Variants in ARHGAP15 observed in about 807,000 individuals in gnomAD.
ARHGAP15 encodes Rho GTPase activating protein 15, also known as rho GTPase-activating protein 15.
A neutral mutation model predicts 63.7 loss-of-function variants in ARHGAP15; 51 were observed. That is an observed-to-expected ratio of 0.80 (90% CI 0.64 to 1.01). The LOEUF (loss-of-function observed/expected upper bound fraction) is 1.01, where lower values mean the gene tolerates loss of function less well. Among genes scored for constraint, ARHGAP15 ranks in the 50% least tolerant of loss-of-function variants. ARHGAP15 has a pLI of 0.00. For missense variants in ARHGAP15, 560 were observed against 564.6 expected (o/e 0.99, Z 0.08); for synonymous variants, 191 against 193.8 (o/e 0.99, Z 0.12).
chr2:143,646,608 A>AT (rs1680892315), intron 12 of ARHGAP15, among the ~76,000 whole-genome samples: 1 of 152,044 alleles, frequency 6.6e-6, no homozygotes, highest in Non-Finnish European at 1.5e-5. Context: ...TACATGTAAC[A>AT]TTTTAAACTC....
At chr2:143,419,598 T>A (rs11695624) in intron 6 of ARHGAP15, among the ~76,000 whole-genome samples, 33,979 of 148,854 alleles carry the variant, frequency 0.23, 4,430 homozygotes, top group Admixed American at 0.33. Flanking sequence ...TTAAAAAAAA[T>A]AATAAGATAC....
At position 143,422,819 on chromosome 2, in the gene ARHGAP15, G is replaced by A. The variant is rs375105157; in HGVS notation, c.475-12782G>A. Among the ~76,000 whole-genome samples, 17 of 152,022 alleles carry A rather than the reference G, an allele frequency of 1.1e-4. 1 individual carries two copies. The highest frequency in any genetic ancestry group is 7.9e-4 in the Admixed American group (12 of 15,246). ...GCCTGGCAAAAGGACACTACCAGCC[G>A]AGAGAGTCTGGTATGTGAGATAAAC... On this transcript the variant is annotated intron_variant, in intron 6 of 13. Transcript: ENST00000295095.
intron 6 of ARHGAP15, among the ~76,000 whole-genome samples, chr2:143,263,429 A>G (rs1277262810): frequency 1.3e-5 from 2 of 152,168 alleles, no homozygotes; most frequent in East Asian, 3.9e-4. Flanking sequence ...TGAAGGGGTC[A>G]GTATCTGCCT....
intron 6 of ARHGAP15, among the ~76,000 whole-genome samples, chr2:143,415,210 A>C (rs560349049): frequency 6.6e-5 from 10 of 152,304 alleles, no homozygotes; most frequent in Admixed American, 3.9e-4. Context: ...TTCATTGTTT[A>C]GGAAAAAAAA....
At chr2:143,148,906 T>C (rs930889015) in intron 1 of ARHGAP15, among the ~76,000 whole-genome samples, 4 of 151,982 alleles carry the variant, frequency 2.6e-5, no homozygotes, top group African/African-American at 9.7e-5. Context: ...AAAATGCTAT[T>C]TTGGTAAATG....
chr2:143,638,809 G>A (rs1233483628), intron 12 of ARHGAP15, among the ~76,000 whole-genome samples: 1 of 151,624 alleles, frequency 6.6e-6, no homozygotes, highest in Non-Finnish European at 1.5e-5. Context: ...AGACTAGTGG[G>A]AATTTAAATA....
intron 11 of ARHGAP15, among the ~76,000 whole-genome samples, chr2:143,583,725 T>G (rs1424590304): frequency 6.6e-6 from 1 of 152,208 alleles, no homozygotes; most frequent in Non-Finnish European, 1.5e-5. Context: ...AGACCTCTTG[T>G]GAACTGACAA....
intron 6 of ARHGAP15, among the ~76,000 whole-genome samples, chr2:143,323,894 CAAAAAAAAA>C (rs55804357): frequency 4.2e-4 from 11 of 26,174 alleles, no homozygotes; most frequent in South Asian, 1.7e-3. Flanking sequence ...GACTCCGTCT[CAAAAAAAAA>C]AAAAAAAAAA....
intron 4 of ARHGAP15, among the ~76,000 whole-genome samples, chr2:143,225,905 C>T (rs1344701916): frequency 6.6e-6 from 1 of 152,074 alleles, no homozygotes; most frequent in Non-Finnish European, 1.5e-5. Flanking sequence ...TGAAAGAGGA[C>T]ATCTAAAAGG....
At chr2:143,239,506 T>C (rs1049282745) in intron 5 of ARHGAP15, among the ~76,000 whole-genome samples, 2 of 152,150 alleles carry the variant, frequency 1.3e-5, no homozygotes, top group African/African-American at 4.8e-5. Flanking sequence ...TTCTATGAGT[T>C]TGACGTTATA....
intron 5 of ARHGAP15, among the ~76,000 whole-genome samples, chr2:143,239,215 A>T (rs1693767971): frequency 6.6e-6 from 1 of 152,218 alleles, no homozygotes; most frequent in African/African-American, 2.4e-5. Context: ...ATTTTTAAAA[A>T]GTACAGTGTG....
At chr2:143,138,037 A>G (rs562930616) in intron 1 of ARHGAP15, among the ~76,000 whole-genome samples, 38 of 152,268 alleles carry the variant, frequency 2.5e-4, no homozygotes, top group Admixed American at 1.3e-4. Context: ...CACTGTGGTA[A>G]GTACTATAGT....
chr2:143,693,223 C>T (rs1230601625), intron 12 of ARHGAP15, among the ~76,000 whole-genome samples: 1 of 152,166 alleles, frequency 6.6e-6, no homozygotes, highest in Middle Eastern at 3.2e-3. Flanking sequence ...CTCTTTTAAA[C>T]ACACAAAGCA....
chr2:143,713,438 G>A (rs1025564738), intron 13 of ARHGAP15, among the ~76,000 whole-genome samples: 1 of 152,222 alleles, frequency 6.6e-6, no homozygotes, highest in South Asian at 2.1e-4. Context: ...TGAGTTTTGG[G>A]TAAGAACACA....
intron 2 of ARHGAP15, among the ~76,000 whole-genome samples, chr2:143,175,486 C>A (rs1690978242): frequency 6.6e-6 from 1 of 152,000 alleles, no homozygotes; most frequent in African/African-American, 2.4e-5. Flanking sequence ...GTCAGAGATC[C>A]CTGTGATAAT....
chr2:143,281,440 ATTG>A (rs1289146212), intron 6 of ARHGAP15, among the ~76,000 whole-genome samples: 1 of 152,148 alleles, frequency 6.6e-6, no homozygotes, highest in Non-Finnish European at 1.5e-5. Flanking sequence ...GATATGACTT[ATTG>A]TTAGGATGTT....
chr2:143,763,753 T>G (rs1686853871), intron 13 of ARHGAP15, among the ~76,000 whole-genome samples: 1 of 148,206 alleles, frequency 6.7e-6, no homozygotes, highest in Admixed American at 6.8e-5. Flanking sequence ...TATATGTATA[T>G]GTATGTATAT....
chr2:143,607,127 G>A (rs918415750), intron 11 of ARHGAP15, among the ~76,000 whole-genome samples: 1 of 152,126 alleles, frequency 6.6e-6, no homozygotes, highest in African/African-American at 2.4e-5. Flanking sequence ...CTTACACACT[G>A]TAAATAATTA....
intron 13 of ARHGAP15, among the ~76,000 whole-genome samples, chr2:143,763,239 A>T (rs1686827914): frequency 6.6e-6 from 1 of 152,178 alleles, no homozygotes; most frequent in Non-Finnish European, 1.5e-5. Context: ...TTCTAACTGT[A>T]TATTTGAAAT....
Sources: gnomAD v4.1 joint callset for allele counts (sites outside exome capture counted in the v4.1 genomes callset) on GRCh38, gnomAD v4.1.1 for gene constraint, MANE v1.5 for transcripts, NCBI Gene and HGNC (gene_info 2026-07-23, HGNC 2026-07-21) for gene names.